PDS5A: variants seen among roughly 807,000 people sequenced by gnomAD.
The protein encoded by PDS5A is PDS5 cohesin associated factor A, also known as sister chromatid cohesion protein PDS5 homolog A.
A neutral mutation model predicts 167.1 loss-of-function variants in PDS5A; 42 were observed. The ratio of observed to expected loss-of-function variants is 0.25; its 90% CI spans 0.20 to 0.33. PDS5A has a LOEUF of 0.33. Ranked by LOEUF, PDS5A falls within the 10% of genes least tolerant of loss-of-function variation. PDS5A has a pLI of 1.00. For missense variants in PDS5A, 1,033 were observed against 1,605.9 expected (o/e 0.64, Z 6.10); for synonymous variants, 553 against 554.6 (o/e 1.00, Z 0.04).
At chr4:39,930,246 A>AAAAAAAAAAAAAAAGTTTTT in intron 2 of PDS5A, among the ~76,000 whole-genome samples, 1 of 93,090 alleles carries the variant, frequency 1.1e-5, no homozygotes, top group Non-Finnish European at 2.2e-5. Context: ...AAAAAAAAAA[A>AAAAAAAAAAAAAAAGTTTTT]GTTTTTTTGT....
chr4:39,848,429 T>C (rs28672807), intron 28 of PDS5A: 2 of 170,216 alleles, frequency 1.2e-5, no homozygotes, highest in African/African-American at 2.4e-5. Flanking sequence ...ACTCTTCATA[T>C]AAACCTAGAT....
Position 39,920,545 on chromosome 4 carries a change from C to A in PDS5A, c.655-146G>T, listed in dbSNP as rs967271745. ...AAGCAAAAATAAAAATAACTGAGTT[C>A]TCTTCAAGGTTTTGCCAAATATCCT... On this transcript the variant is annotated intron_variant, in intron 6 of 32. Coordinates refer to ENST00000303538, the MANE Select transcript of PDS5A (RefSeq NM_001100399.2). 14 of 445,960 alleles carry A rather than the reference C, an allele frequency of 3.1e-5. No individual in the cohort carries two copies. The South Asian group carries it at 4.5e-4, about 14-fold the overall frequency. 27.6% of individuals were successfully genotyped at this position (445,960 alleles called of 1,614,324 possible).
intron 32 of PDS5A, 39 bp from the exon 33 acceptor site, chr4:39,825,527 T>C: frequency 6.7e-7 from 1 of 1,503,712 alleles, no homozygotes; most frequent in Non-Finnish European, 9.1e-7. Flanking sequence ...AGAAAAGATG[T>C]GGAGAAGATA....
intron 2 of PDS5A, among the ~76,000 whole-genome samples, chr4:39,960,559 T>C (rs1729387128): frequency 6.6e-6 from 1 of 152,128 alleles, no homozygotes; most frequent in Admixed American, 6.6e-5. Flanking sequence ...CATTTTTTTT[T>C]TTTAAGAGAC....
chr4:39,825,584 C>CTTT, intron 32 of PDS5A, 96 bp from the exon 33 acceptor site: 3 of 674,478 alleles, frequency 4.4e-6, no homozygotes, highest in South Asian at 2.7e-5. Flanking sequence ...TATCTAAAAT[C>CTTT]TTTTTTTTTT....
intron 2 of PDS5A, among the ~76,000 whole-genome samples, chr4:39,962,415 T>C (rs189427570): frequency 1.3e-5 from 2 of 152,286 alleles, no homozygotes; most frequent in Admixed American, 6.5e-5. Context: ...AACATGACAC[T>C]TATGTTTAAT....
chr4:39,974,151 C>A (rs1240757779), intron 2 of PDS5A: 1 of 574,736 alleles, frequency 1.7e-6, no homozygotes, highest in South Asian at 1.4e-5. Flanking sequence ...GCTGCATACT[C>A]TCCTCCTAGC....
chr4:39,931,028 C>T (rs1726009957), intron 2 of PDS5A, among the ~76,000 whole-genome samples: 1 of 152,152 alleles, frequency 6.6e-6, no homozygotes, highest in African/African-American at 2.4e-5. Flanking sequence ...TAGAGAAGGG[C>T]TGGATGTGAT....
At chr4:39,830,777 C>G (rs1197254101) in intron 32 of PDS5A, among the ~76,000 whole-genome samples, 1 of 152,136 alleles carries the variant, frequency 6.6e-6, no homozygotes, top group Non-Finnish European at 1.5e-5. Flanking sequence ...GTGTTAGATT[C>G]AATTAAAGTA....
chr4:39,844,311 C>T (rs1437558125), intron 30 of PDS5A, among the ~76,000 whole-genome samples: 2 of 151,774 alleles, frequency 1.3e-5, no homozygotes, highest in Non-Finnish European at 2.9e-5. Flanking sequence ...ACCGTCTCTA[C>T]TAAAAATACA....
chr4:39,974,070 G>A (rs945940801), intron 2 of PDS5A: 7 of 507,978 alleles, frequency 1.4e-5, no homozygotes, highest in African/African-American at 1.9e-5. Context: ...AGCTTACAGT[G>A]AGCCGAGATC....
chr4:39,893,553 T>A (rs1196336658), intron 16 of PDS5A, among the ~76,000 whole-genome samples: 1 of 152,222 alleles, frequency 6.6e-6, no homozygotes, highest in African/African-American at 2.4e-5. Context: ...AAGGATGGAA[T>A]GCAAGCTACA....
chr4:39,868,760 A>C (rs1183394455), intron 22 of PDS5A: 4 of 444,772 alleles, frequency 9.0e-6, no homozygotes, highest in Non-Finnish European at 1.8e-5. Flanking sequence ...GTGAAAAACA[A>C]ATCAAAGTAT....
intron 32 of PDS5A, among the ~76,000 whole-genome samples, chr4:39,830,064 C>T (rs1485114758): frequency 1.3e-5 from 2 of 151,374 alleles, no homozygotes; most frequent in Non-Finnish European, 2.9e-5. Flanking sequence ...TAAGCCATGC[C>T]CTGTGTAGCA....
At chr4:39,906,405 A>G (rs1433093990) in intron 11 of PDS5A, among the ~76,000 whole-genome samples, 2 of 152,022 alleles carry the variant, frequency 1.3e-5, no homozygotes, top group Non-Finnish European at 2.9e-5. Context: ...ACCGTAAGTG[A>G]ACTTCCTTAC....
intron 21 of PDS5A, among the ~76,000 whole-genome samples, chr4:39,869,864 TG>T (rs1217773782): frequency 6.6e-6 from 1 of 152,082 alleles, no homozygotes. Flanking sequence ...CCCAGCACTA[TG>T]GGGGGATGAG....
intron 17 of PDS5A, among the ~76,000 whole-genome samples, chr4:39,884,859 T>C (rs555329252): frequency 2.7e-4 from 41 of 152,288 alleles, no homozygotes; most frequent in African/African-American, 9.4e-4. Flanking sequence ...ATCTACTTCC[T>C]ATAGACCATT....
At chr4:39,930,215 CAAAAAAAAAAA>C (rs764983592) in intron 2 of PDS5A, among the ~76,000 whole-genome samples, 23 of 35,086 alleles carry the variant, frequency 6.6e-4, no homozygotes, top group African/African-American at 1.3e-3. Flanking sequence ...GACTCCATCT[CAAAAAAAAAAA>C]AAAAAAAAAA....
At chr4:39,974,469 C>T (rs1560532873) in intron 2 of PDS5A, 2 of 289,004 alleles carry the variant, frequency 6.9e-6, no homozygotes, top group Admixed American at 9.1e-5. Context: ...ACTCCCAAAA[C>T]AGTGTAACTT....
Sources: allele counts gnomAD v4.1 joint callset (sites outside exome capture counted in the v4.1 genomes callset), GRCh38; gene constraint gnomAD v4.1.1; transcripts MANE v1.5; gene names NCBI Gene and HGNC (gene_info 2026-07-23, HGNC 2026-07-21).